The following ARMC2 variants were observed in gnomAD, a reference collection of about 807,000 sequenced individuals.
ARMC2 encodes the protein armadillo repeat containing 2.
In ARMC2, 67 loss-of-function variants were observed where a neutral mutation model predicts 90.3. The ratio of observed to expected loss-of-function variants is 0.74; its 90% CI spans 0.61 to 0.91. The LOEUF (loss-of-function observed/expected upper bound fraction) is 0.91. ARMC2 is among the 40% of genes least tolerant of loss of function. The pLI is 0.00. For missense variants in ARMC2, 920 were observed against 1,030.9 expected (o/e 0.89, Z 1.47); for synonymous variants, 393 against 393.0 (o/e 1.00, Z 0.00).
the ARMC2 span, among the ~76,000 whole-genome samples, chr6:109,006,197 C>T: frequency 2.0e-5 from 3 of 152,150 alleles, no homozygotes; most frequent in Admixed American, 6.5e-5. Context: ...CTACAATATT[C>T]ATGAAAAAGT....
At chr6:108,849,967 G>C (rs749640706) in intron 1 of ARMC2, among the ~76,000 whole-genome samples, 4 of 152,214 alleles carry the variant, frequency 2.6e-5, no homozygotes, top group Non-Finnish European at 5.9e-5. Flanking sequence ...GAAGGGTCCT[G>C]AGTATTTGAT....
chr6:108,899,662 G>A (rs764251470), intron 6 of ARMC2, 32 bp from the exon 7 acceptor site: 3 of 1,559,940 alleles, frequency 1.9e-6, no homozygotes, highest in East Asian at 4.5e-5. Context: ...CTTTTTCATA[G>A]CTTTTTCTCC....
the ARMC2 span, chr6:108,994,698 C>CTTT: frequency 1.5e-3 from 449 of 292,604 alleles, no homozygotes; most frequent in South Asian, 2.5e-3. Context: ...GAATTTATAT[C>CTTT]TTTTTTTTTT....
At chr6:108,944,997 C>T (rs1371111025) in intron 12 of ARMC2, among the ~76,000 whole-genome samples, 1 of 152,122 alleles carries the variant, frequency 6.6e-6, no homozygotes, top group Non-Finnish European at 1.5e-5. Context: ...GATGAAACAG[C>T]CTCTCGTTCG....
At chr6:108,939,993 T>C (rs989945866) in intron 12 of ARMC2, among the ~76,000 whole-genome samples, 1 of 152,256 alleles carries the variant, frequency 6.6e-6, no homozygotes, top group African/African-American at 2.4e-5. Context: ...TGAGGTTCTT[T>C]AAATGTCTGC....
intron 10 of ARMC2, among the ~76,000 whole-genome samples, chr6:108,915,886 C>T (rs1773914219): frequency 6.6e-6 from 1 of 152,042 alleles, no homozygotes. Flanking sequence ...CTGATAAAGA[C>T]CAAATAGCTG....
intron 11 of ARMC2, among the ~76,000 whole-genome samples, chr6:108,934,131 G>T (rs977125508): frequency 2.0e-5 from 3 of 152,172 alleles, no homozygotes; most frequent in African/African-American, 7.2e-5. Flanking sequence ...CAAAGTGCTG[G>T]ATTACAGGCG....
In ARMC2 at chr6:108,912,453, C is replaced by G; in HGVS notation, c.1245C>G (p.Ile415Met). ...SGNLGFLNEM[I>M]SKGAVEILIN... is the part of the protein sequence containing the mutation. Reference sequence around the variant, plus strand: ...ATCTGGGATTTCTTAATGAAATGATCAGCAAAGGTGCTGTGGAAATACTGA... The same window carrying G: ...ATCTGGGATTTCTTAATGAAATGATGAGCAAAGGTGCTGTGGAAATACTGA... Residue 415 changes from isoleucine to methionine, a missense_variant, in exon 10 of 18, where the codon ATC becomes ATG. Physicochemically the swap from Ile to Met is conservative, Grantham distance 10. Transcript: ENST00000392644. The G allele has an allele frequency of 6.2e-7, 1 of 1,613,666 alleles. No homozygotes were observed. The highest frequency in any genetic ancestry group is 8.5e-7 in the Non-Finnish European group (1 of 1,179,692).
At chr6:108,861,973 C>A (rs935597333) in intron 3 of ARMC2, among the ~76,000 whole-genome samples, 1 of 152,144 alleles carries the variant, frequency 6.6e-6, no homozygotes, top group East Asian at 1.9e-4. Flanking sequence ...TGGGCTAAGA[C>A]AAGATAGGCA....
intron 3 of ARMC2, 70 bp from the exon 4 acceptor site, chr6:108,868,754 C>G (rs1386150608): frequency 6.8e-7 from 1 of 1,465,514 alleles, no homozygotes; most frequent in East Asian, 2.3e-5. Context: ...AGGGTTGTGG[C>G]CAGCTCTGAG....
At chr6:109,000,525 T>C in the ARMC2 span, 2 of 1,606,942 alleles carry the variant, frequency 1.2e-6, no homozygotes, top group Admixed American at 1.7e-5. Flanking sequence ...CCAAGGTCTA[T>C]GGGCTAACAC....
chr6:109,013,624 T>C, the ARMC2 span, among the ~76,000 whole-genome samples: 5 of 152,354 alleles, frequency 3.3e-5, no homozygotes, highest in Non-Finnish European at 4.4e-5. Flanking sequence ...CCCTGTACTA[T>C]AGATTTGCAC....
the ARMC2 span, among the ~76,000 whole-genome samples, chr6:108,985,183 TTACTTATC>T: frequency 6.6e-6 from 1 of 152,200 alleles, no homozygotes; most frequent in Non-Finnish European, 1.5e-5. Flanking sequence ...CCAACAAGTT[TTACTTATC>T]TACTTATCTC....
chr6:108,946,183 T>TA (rs1370016555), intron 12 of ARMC2, among the ~76,000 whole-genome samples: 2 of 152,202 alleles, frequency 1.3e-5, no homozygotes, highest in African/African-American at 4.8e-5. Context: ...AAATGCCTGA[T>TA]TTATGTCTGC....
chr6:108,912,279 A>G (rs562155213), intron 9 of ARMC2, 56 bp from the exon 10 acceptor site: 521 of 1,276,142 alleles, frequency 4.1e-4, no homozygotes, highest in Non-Finnish European at 4.9e-4. Flanking sequence ...GTGCTTTAAT[A>G]TATTTCTCTC....
At chr6:108,928,264 CAA>C in intron 11 of ARMC2, 31 bp downstream of exon 11, 4 of 1,423,052 alleles carry the variant, frequency 2.8e-6, no homozygotes, top group African/African-American at 1.5e-5. Flanking sequence ...AGTAGCCTTA[CAA>C]AAATGCTAAT....
chr6:109,029,563 T>C, the ARMC2 span, among the ~76,000 whole-genome samples: 3 of 152,138 alleles, frequency 2.0e-5, no homozygotes, highest in Non-Finnish European at 4.4e-5. Context: ...TTAAGATGGG[T>C]TCTTGCTCTG....
Position 108,953,305 on chromosome 6 carries a change from G to A in ARMC2, c.1869G>A (p.Val623=). 6.2e-7 allele frequency: 1 copy of A among 1,610,216 alleles called. No individual in the cohort carries two copies. Among genetic ancestry groups the A allele is most frequent in the Middle Eastern group, 1.7e-4 (1 of 6,052 alleles). The change falls in exon 13 of 18, where the codon GTG becomes GTA. Residue 623 remains valine, a synonymous_variant. Transcript: ENST00000392644. The part of the protein sequence containing the change: ...NIAIHPGVGP[V]LAANPGIVGL... ...CCATCCACCCGGGCGTGGGCCCGGT[G>A]CTGGCCGCCAACCCGGGGATAGTGG... is the stretch of plus-strand genomic sequence containing the variant.
chr6:108,978,835 T>C (rs1779035295), downstream of ARMC2, among the ~76,000 whole-genome samples: 1 of 151,716 alleles, frequency 6.6e-6, no homozygotes, highest in East Asian at 1.9e-4. Context: ...TTTTTTTTTC[T>C]TTCTGTTTGC....
Sources: gnomAD v4.1 joint callset for allele counts (sites outside exome capture counted in the v4.1 genomes callset) on GRCh38, gnomAD v4.1.1 for gene constraint, MANE v1.5 for transcripts, NCBI Gene and HGNC (gene_info 2026-07-23, HGNC 2026-07-21) for gene names.